Variants in TESK2 observed in about 807,000 individuals in gnomAD.
TESK2 encodes dual specificity testis-specific protein kinase 2.
TESK2 carries 39 observed loss-of-function variants against 57.1 expected under a neutral mutation model. That is an observed-to-expected ratio of 0.68 (90% CI 0.53 to 0.89). TESK2 has a LOEUF of 0.89. Ranked by LOEUF, TESK2 falls within the 40% of genes least tolerant of loss-of-function variation. The pLI, the probability that TESK2 is intolerant of heterozygous loss-of-function variation, is 0.00. For missense variants in TESK2, 646 were observed against 732.1 expected, an observed-to-expected ratio of 0.88 and a Z score of 1.36; for synonymous variants, 249 against 267.9, an observed-to-expected ratio of 0.93 and a Z score of 0.69.
At chr1:45,453,714 G>A (rs541154607) in intron 2 of TESK2, among the ~76,000 whole-genome samples, 32 of 152,150 alleles carry the variant, frequency 2.1e-4, no homozygotes, top group Admixed American at 3.3e-4. Flanking sequence ...TAAAATTTCT[G>A]TGCAAAAAAG....
At chr1:45,428,816 A>ATTTGTTT (rs1650822568) in intron 2 of TESK2, among the ~76,000 whole-genome samples, 1 of 82,592 alleles carries the variant, frequency 1.2e-5, no homozygotes, top group African/African-American at 5.1e-5. Context: ...TAAATTCCTG[A>ATTTGTTT]TTTTTTTTTT....
At chr1:45,381,228 T>C (rs187070963) in intron 4 of TESK2, among the ~76,000 whole-genome samples, 4 of 152,328 alleles carry the variant, frequency 2.6e-5, no homozygotes, top group Admixed American at 2.0e-4. Context: ...CAAATACTTA[T>C]GATCTGCTGA....
chr1:45,465,068 C>T (rs1263998486), intron 1 of TESK2, among the ~76,000 whole-genome samples: 1 of 152,110 alleles, frequency 6.6e-6, no homozygotes, highest in Admixed American at 6.6e-5. Context: ...GAAACCCCGT[C>T]TCTACTAAAA....
chr1:45,404,418 C>T (rs1649749984), intron 3 of TESK2, among the ~76,000 whole-genome samples: 3 of 152,164 alleles, frequency 2.0e-5, no homozygotes, highest in South Asian at 2.1e-4. Context: ...AGGGAACAAA[C>T]GATGGTGATG....
At chr1:45,465,649 T>G (rs143291613) in intron 1 of TESK2, among the ~76,000 whole-genome samples, 2 of 152,326 alleles carry the variant, frequency 1.3e-5, no homozygotes, top group East Asian at 3.9e-4. Context: ...TCACAGCACT[T>G]TTCAAGAGGG....
At chr1:45,357,517 A>G (rs551044673) in intron 4 of TESK2, among the ~76,000 whole-genome samples, 3 of 151,714 alleles carry the variant, frequency 2.0e-5, no homozygotes, top group African/African-American at 7.2e-5. Flanking sequence ...CTTGCTGTTC[A>G]TCATTCCTAA....
intron 4 of TESK2, among the ~76,000 whole-genome samples, chr1:45,384,303 T>C (rs1418427932): frequency 2.6e-5 from 4 of 151,642 alleles, no homozygotes; most frequent in African/African-American, 9.8e-5. Context: ...CATCTATCTA[T>C]CTATCGACAG....
At chr1:45,472,393 A>C (rs1043783283) in intron 1 of TESK2, among the ~76,000 whole-genome samples, 2 of 150,784 alleles carry the variant, frequency 1.3e-5, no homozygotes, top group Non-Finnish European at 3.0e-5. Flanking sequence ...CCCCACCTCT[A>C]CTAAAAATAC....
chr1:45,364,386 G>A (rs1647819728), intron 4 of TESK2, among the ~76,000 whole-genome samples: 1 of 152,176 alleles, frequency 6.6e-6, no homozygotes, highest in African/African-American at 2.4e-5. Flanking sequence ...ATTGGACTGA[G>A]ACATCTACAA....
At chr1:45,463,835 C>A (rs1261440820) in intron 1 of TESK2, among the ~76,000 whole-genome samples, 1 of 152,150 alleles carries the variant, frequency 6.6e-6, no homozygotes, top group African/African-American at 2.4e-5. Flanking sequence ...GCGATCCACC[C>A]TCCTCAGCCT....
chr1:45,355,420 C>T lies in TESK2; in HGVS notation c.423G>A (p.Leu141=), dbSNP rs779625307. 1.2e-6 allele frequency: 2 copies of T among 1,612,086 alleles called. No individual in the cohort carries two copies. The highest frequency in any genetic ancestry group is 2.2e-5 in the South Asian group (2 of 90,514). Residue 141 remains leucine, a synonymous_variant, in exon 5 of 11, where the codon TTG becomes TTA. Transcript: ENST00000372086. The stretch of plus-strand genomic sequence containing the variant: ...AAGGCAAATGCAGGTTACTGTCTAG[C>T]AACTGTTCCAGGTTCCCGGAGTTGA... The part of the protein sequence containing the change: ...EYINSGNLEQ[L]LDSNLHLPWT...
At chr1:45,471,643 T>G (rs760748379) in intron 1 of TESK2, among the ~76,000 whole-genome samples, 1 of 152,016 alleles carries the variant, frequency 6.6e-6, no homozygotes, top group Non-Finnish European at 1.5e-5. Flanking sequence ...CTTGACCTGG[T>G]GATCTGCCCA....
intron 3 of TESK2, among the ~76,000 whole-genome samples, chr1:45,393,449 T>C (rs1381578532): frequency 6.6e-6 from 1 of 152,012 alleles, no homozygotes; most frequent in Non-Finnish European, 1.5e-5. Flanking sequence ...AGCTTTATAT[T>C]GGAAAAAGAG....
chr1:45,389,361 T>C (rs557175854), intron 3 of TESK2, among the ~76,000 whole-genome samples: 1 of 152,244 alleles, frequency 6.6e-6, no homozygotes, highest in East Asian at 1.9e-4. Context: ...TGCAGTGAGC[T>C]GAGATCATGC....
chr1:45,373,176 A>C (rs1217169326), intron 4 of TESK2, among the ~76,000 whole-genome samples: 1 of 152,152 alleles, frequency 6.6e-6, no homozygotes, highest in Non-Finnish European at 1.5e-5. Flanking sequence ...TTTCAGGACC[A>C]CTCCAGCTGG....
At chr1:45,379,088 A>C (rs1031148068) in intron 4 of TESK2, among the ~76,000 whole-genome samples, 2 of 152,204 alleles carry the variant, frequency 1.3e-5, no homozygotes. Flanking sequence ...ACACACAAAA[A>C]AATAAGAAGC....
At chr1:45,403,233 G>GGA (rs571780576) in intron 3 of TESK2, among the ~76,000 whole-genome samples, 4 of 128,138 alleles carry the variant, frequency 3.1e-5, no homozygotes, top group African/African-American at 1.2e-4. Flanking sequence ...GCCGTGATGG[G>GGA]AAAAAAAAAA....
intron 4 of TESK2, among the ~76,000 whole-genome samples, chr1:45,364,577 T>C (rs1647828529): frequency 6.6e-6 from 1 of 152,196 alleles, no homozygotes; most frequent in African/African-American, 2.4e-5. Flanking sequence ...ATGGCAGCTC[T>C]AAGAAACTAA....
chr1:45,347,045 A>G lies in TESK2; in HGVS notation c.726T>C (p.Tyr242=), dbSNP rs199553738. Reference sequence around the variant, plus strand: ...CGATGATCTCGCAGAGGATGATACCATAAGAGAACACATCTGCCTGGTGGG... The same window carrying G: ...CGATGATCTCGCAGAGGATGATACCGTAAGAGAACACATCTGCCTGGTGGG... The part of the protein sequence containing the change: ...PYNEKADVFS[Y]GIILCEIIAR... Residue 242 remains tyrosine (Y), a synonymous_variant, in exon 8 of 11, where the codon TAT becomes TAC. Transcript: ENST00000372086. 2.8e-5 allele frequency: 46 copies of G among 1,614,062 alleles called. No individual in the cohort carries two copies. The highest frequency in any genetic ancestry group is 2.4e-4 in the South Asian group (22 of 91,090).
Sources: gnomAD v4.1 joint callset for allele counts (sites outside exome capture counted in the v4.1 genomes callset) on GRCh38, gnomAD v4.1.1 for gene constraint, MANE v1.5 for transcripts, NCBI Gene and HGNC (gene_info 2026-07-23, HGNC 2026-07-21) for gene names.